FAM227B: variants seen among roughly 807,000 people sequenced by gnomAD.
FAM227B encodes protein FAM227B.
Under a neutral mutation model 73.8 loss-of-function variants are expected in FAM227B, and 88 were observed. That is an observed-to-expected ratio of 1.19 (90% CI 1.00 to 1.42). The LOEUF is 1.42. Among genes scored for constraint, FAM227B ranks in the 40% most tolerant of loss-of-function variants. The pLI, the probability that FAM227B is intolerant of heterozygous loss-of-function variation, is 0.00. For missense variants in FAM227B, 632 were observed against 590.9 expected, an observed-to-expected ratio of 1.07 and a Z score of -0.72; for synonymous variants, 210 against 190.5, an observed-to-expected ratio of 1.10 and a Z score of -0.84.
intron 13 of FAM227B, among the ~76,000 whole-genome samples, chr15:49,349,438 T>C (rs1662232223): frequency 1.3e-5 from 2 of 152,212 alleles, no homozygotes; most frequent in African/African-American, 4.8e-5. Flanking sequence ...ATAAAATGTC[T>C]TTCTCTAAGA....
intron 9 of FAM227B, among the ~76,000 whole-genome samples, chr15:49,561,531 C>T (rs1040741992): frequency 6.6e-6 from 1 of 152,134 alleles, no homozygotes; most frequent in Non-Finnish European, 1.5e-5. Context: ...CAAATATCTA[C>T]AGAGCACTCC....
chr15:49,403,692 A>T (rs1486982469), intron 11 of FAM227B, among the ~76,000 whole-genome samples: 6 of 149,200 alleles, frequency 4.0e-5, no homozygotes, highest in Admixed American at 2.0e-4. Flanking sequence ...TAGTTTATTA[A>T]TTTTTTTCAA....
At chr15:49,337,544 A>G (rs760397374) in intron 13 of FAM227B, among the ~76,000 whole-genome samples, 5 of 59,064 alleles carry the variant, frequency 8.5e-5, no homozygotes, top group Non-Finnish European at 1.6e-4. Flanking sequence ...TTAGTATTAT[A>G]CTTTAAGTTC....
At chr15:49,609,909 T>C (rs1251674106) in intron 3 of FAM227B, among the ~76,000 whole-genome samples, 2 of 151,980 alleles carry the variant, frequency 1.3e-5, no homozygotes, top group Non-Finnish European at 2.9e-5. Context: ...TATCAAATGC[T>C]ACCTGATAAA....
intron 5 of FAM227B, among the ~76,000 whole-genome samples, chr15:49,586,999 T>C (rs147412674): frequency 6.6e-6 from 1 of 152,148 alleles, no homozygotes; most frequent in African/African-American, 2.4e-5. Flanking sequence ...AAAAGGAATA[T>C]ATATCATTCT....
intron 11 of FAM227B, among the ~76,000 whole-genome samples, chr15:49,453,099 A>G (rs1366513020): frequency 6.6e-6 from 1 of 152,092 alleles, no homozygotes; most frequent in African/African-American, 2.4e-5. Flanking sequence ...AATCATCCTA[A>G]AATATTGCAT....
intron 6 of FAM227B, chr15:49,577,060 G>A (rs2075493953): frequency 7.0e-6 from 3 of 429,726 alleles, no homozygotes; most frequent in Middle Eastern, 1.3e-3. Flanking sequence ...ACACTGGGAG[G>A]CTGAAGTGGG....
At chr15:49,494,756 T>C (rs1009796569) in intron 11 of FAM227B, among the ~76,000 whole-genome samples, 2 of 152,168 alleles carry the variant, frequency 1.3e-5, no homozygotes, top group Admixed American at 6.5e-5. Flanking sequence ...TTCCCTTATG[T>C]ATCCGAAGCT....
chr15:49,496,166 T>C (rs954998471), intron 11 of FAM227B, among the ~76,000 whole-genome samples: 5 of 152,186 alleles, frequency 3.3e-5, no homozygotes, highest in African/African-American at 9.6e-5. Context: ...TACTTGTGTA[T>C]GAGTAACTAC....
chr15:49,450,293 C>T (rs771015443), intron 11 of FAM227B, among the ~76,000 whole-genome samples: 22 of 152,076 alleles, frequency 1.4e-4, no homozygotes, highest in African/African-American at 2.2e-4. Context: ...CCTGTCAATA[C>T]AAGATAACTC....
At chr15:49,576,552 C>T (rs2075453807) in intron 7 of FAM227B, 189 bp downstream of exon 7, 1 of 504,748 alleles carries the variant, frequency 2.0e-6, no homozygotes, top group Non-Finnish European at 3.5e-6. Context: ...AAAGCAGTAA[C>T]ACAGAGTTTA....
intron 11 of FAM227B, among the ~76,000 whole-genome samples, chr15:49,433,206 C>G (rs1286104174): frequency 6.6e-6 from 1 of 151,658 alleles, no homozygotes; most frequent in Non-Finnish European, 1.5e-5. Flanking sequence ...GTCTTATTCT[C>G]TTTCTGTGCC....
Position 49,422,673 on chromosome 15 carries a change from T to A in FAM227B, c.1013-51274A>T, listed in dbSNP as rs748246033. 137 of 1,121,390 alleles carry A rather than the reference T, an allele frequency of 1.2e-4. 2 individuals carry two copies. Among genetic ancestry groups the A allele is most frequent in the Non-Finnish European group, 1.7e-4 (129 of 768,436 alleles). The allele number at this position is 1,121,390 out of a possible 1,614,324, so 69.5% of individuals were successfully genotyped here. On this transcript the variant is annotated intron_variant, in intron 11 of 15. Transcript: ENST00000299338. Reference sequence around the variant, plus strand: ...TGCCCGAAGTCATACTGGTCATTAGTGGTCCAACACAAATAAGAATCTAGA... The same window carrying A: ...TGCCCGAAGTCATACTGGTCATTAGAGGTCCAACACAAATAAGAATCTAGA...
chr15:49,412,559 G>GT (rs2048941555), intron 11 of FAM227B, among the ~76,000 whole-genome samples: 2 of 151,768 alleles, frequency 1.3e-5, no homozygotes, highest in South Asian at 4.2e-4. Context: ...ACATTGACTT[G>GT]TTTTTTGGCA....
intron 9 of FAM227B, among the ~76,000 whole-genome samples, chr15:49,558,493 A>G (rs1268255203): frequency 6.6e-6 from 1 of 152,166 alleles, no homozygotes; most frequent in African/African-American, 2.4e-5. Flanking sequence ...CCCACTGCAT[A>G]GCCACCCTTA....
chr15:49,476,231 G>GTTTTTTTTTTTTTT (rs1567351795), intron 11 of FAM227B, among the ~76,000 whole-genome samples: 1 of 29,114 alleles, frequency 3.4e-5, no homozygotes. Flanking sequence ...TTTTGTTTTT[G>GTTTTTTTTTTTTTT]GTTTTTTTTT....
chr15:49,553,511 A>C (rs2073286195), intron 9 of FAM227B, among the ~76,000 whole-genome samples: 1 of 152,180 alleles, frequency 6.6e-6, no homozygotes, highest in South Asian at 2.1e-4. Context: ...CCTTCCCTTC[A>C]GGGTGGCGAG....
chr15:49,544,309 G>C (rs746814595), intron 9 of FAM227B, among the ~76,000 whole-genome samples: 5 of 152,044 alleles, frequency 3.3e-5, no homozygotes, highest in Admixed American at 6.6e-5. Context: ...TCTCAGCTTG[G>C]TTGTTGTTGG....
In FAM227B at chr15:49,328,606, ATGATGG is replaced by A. The variant is rs756949145; in HGVS notation, c.1483_1488del (p.Pro495_Ser496del). 40 of 1,592,016 alleles carry A rather than the reference ATGATGG, an allele frequency of 2.5e-5. 1 individual carries two copies. In the Middle Eastern group the frequency reaches 6.6e-4, roughly 26 times the overall value. On this transcript the variant is annotated inframe_deletion, in exon 16 of 16. Coordinates refer to ENST00000299338, the MANE Select transcript of FAM227B (RefSeq NM_152647.3). ...TCCTCAAAGTTGTAGTTGTCTGTTG[ATGATGG>A]TGATGATGATGATGATGACGATAGT...
Sources: allele counts gnomAD v4.1 joint callset (sites outside exome capture counted in the v4.1 genomes callset), GRCh38; gene constraint gnomAD v4.1.1; transcripts MANE v1.5; gene names NCBI Gene and HGNC (gene_info 2026-07-23, HGNC 2026-07-21).